SLC66A1: variants seen among roughly 807,000 people sequenced by gnomAD.
The protein encoded by SLC66A1 is lysosomal amino acid transporter 1 homolog.
A neutral mutation model predicts 33.0 loss-of-function variants in SLC66A1; 23 were observed. The ratio of observed to expected loss-of-function variants is 0.70; its 90% CI spans 0.50 to 0.99. The LOEUF (loss-of-function observed/expected upper bound fraction) is 0.99. Among genes scored for constraint, SLC66A1 ranks in the 50% least tolerant of loss-of-function variants. The probability of loss-of-function intolerance (pLI) is 0.00; values close to 1 mark genes in which losing one functional copy is unlikely to be tolerated. For synonymous variants in SLC66A1, 164 were observed against 175.5 expected (o/e 0.93, Z 0.52); for missense variants, 335 against 383.6 (o/e 0.87, Z 1.06).
At chr1:19,313,350 A>G in intron 1 of SLC66A1, 2 of 670,986 alleles carry the variant, frequency 3.0e-6, no homozygotes, top group Non-Finnish European at 3.7e-6. Flanking sequence ...TCTCTTCTTC[A>G]CTCTGTCCTT....
chr1:19,333,923 CAAAACAA>C (rs1553264954), downstream of SLC66A1, among the ~76,000 whole-genome samples: 2 of 151,590 alleles, frequency 1.3e-5, no homozygotes, highest in African/African-American at 4.9e-5. The surrounding 1 kb of genome is among the most constrained non-coding windows in gnomAD (Gnocchi z 4.2). Flanking sequence ...CAAAACAAAA[CAAAACAA>C]AACAAAACAC....
chr1:19,324,776 C>T lies in SLC66A1; in HGVS notation c.294+14C>T, dbSNP rs138068552. 77 of 1,613,620 alleles carry T rather than the reference C, an allele frequency of 4.8e-5. No individual in the cohort carries two copies. The highest frequency in any genetic ancestry group is 6.7e-5 in the East Asian group (3 of 44,868). On this transcript the variant is annotated intron_variant, in intron 3 of 7. Coordinates refer to ENST00000375153, the MANE Select transcript of SLC66A1 (RefSeq NM_001040125.2). Reference sequence around the variant, plus strand: ...CTGCCCCTGCAGGTGGGCCGGTACCCGGGCAAGGTGGCGCTACCCCTAACC... The same window carrying T: ...CTGCCCCTGCAGGTGGGCCGGTACCTGGGCAAGGTGGCGCTACCCCTAACC...
In SLC66A1 at chr1:19,327,403, C is replaced by T. The variant is rs554119968; in HGVS notation, c.795C>T (p.Leu265=). ...TGGGCAGCCTGGGCGTGCTGCTGCT[C>T]GACACCATCGTATCCTTCAGGGCGT... ...WLVGSLGVLL[L]DTIISIQFLV... Residue 265 remains leucine (L), a synonymous_variant, in exon 7 of 8, where the codon CTC becomes CTT. Transcript: ENST00000375153. 1.3e-5 allele frequency: 20 copies of T among 1,591,112 alleles called. 1 individual carries two copies. Among genetic ancestry groups the T allele is most frequent in the Admixed American group, 8.5e-5 (5 of 58,780 alleles).
At chr1:19,319,245 T>C (rs562310483) in intron 2 of SLC66A1, among the ~76,000 whole-genome samples, 1 of 152,342 alleles carries the variant, frequency 6.6e-6, no homozygotes, top group Non-Finnish European at 1.5e-5. Flanking sequence ...ACATTTTCGT[T>C]AGCCCAAATG....
downstream of SLC66A1, among the ~76,000 whole-genome samples, chr1:19,329,840 C>T (rs2093887636): frequency 6.6e-6 from 1 of 151,934 alleles, no homozygotes; most frequent in Non-Finnish European, 1.5e-5. Flanking sequence ...GAAGGATGAG[C>T]GGGAGATATC....
In SLC66A1 at chr1:19,326,324, C is replaced by G. The variant is rs368585233; in HGVS notation, c.462C>G (p.Pro154=). 29 of 1,606,818 alleles carry G rather than the reference C, an allele frequency of 1.8e-5. No homozygotes were observed. Among genetic ancestry groups the G allele is most frequent in the Non-Finnish European group, 2.4e-5 (28 of 1,179,814 alleles). ...CACCGCTGCTGAGTGCTGCTGGGCC[C>G]GTGGCTGCCCCTAGGGAAGCCTTCC... ...CATPLLSAAG[P]VAAPREAFRG... Residue 154 remains proline (P), a synonymous_variant, in exon 5 of 8, where the codon CCC becomes CCG. Transcript: ENST00000375153.
intron 2 of SLC66A1, among the ~76,000 whole-genome samples, chr1:19,322,540 C>A (rs776531459): frequency 6.6e-6 from 1 of 152,046 alleles, no homozygotes; most frequent in Non-Finnish European, 1.5e-5. Flanking sequence ...GCTAGTCACT[C>A]CCCCTGTCCT....
rs1157516513 is a variant in SLC66A1, at chr1:19,326,399, G to A, written c.525+12G>A. 1 of 1,606,284 alleles carries A rather than the reference G, an allele frequency of 6.2e-7. No homozygotes were observed. The highest frequency in any genetic ancestry group is 8.5e-7 in the Non-Finnish European group (1 of 1,177,402). On this transcript the variant is annotated intron_variant, in intron 5 of 7. Transcript: ENST00000375153. ...AGTCGGGCAGCAAGGTGAGGCGTGG[G>A]CGTGGCGGTCGAAGGGATGGAGGCT...
At position 19,326,357 on chromosome 1, in the gene SLC66A1, G is replaced by T; in HGVS notation, c.495G>T (p.Arg165=). Residue 165 remains arginine, a synonymous_variant, in exon 5 of 8, where the codon CGG becomes CGT. Coordinates refer to ENST00000375153, the MANE Select transcript of SLC66A1 (RefSeq NM_001040125.2). ...VAAPREAFRG[R]ALLSVESGSK... ...CCCCTAGGGAAGCCTTCCGGGGGCG[G>T]GCGCTCCTGTCCGTGGAGTCGGGCA... 6.2e-7 allele frequency: 1 copy of T among 1,606,470 alleles called. No homozygotes were observed. Among genetic ancestry groups the T allele is most frequent in the Non-Finnish European group, 8.5e-7 (1 of 1,179,278 alleles).
At chr1:19,330,053 G>A (rs942698854), downstream of SLC66A1, among the ~76,000 whole-genome samples, 2 of 152,094 alleles carry the variant, frequency 1.3e-5, no homozygotes, top group African/African-American at 2.4e-5. Context: ...CTGCAGCCTC[G>A]AACTCCTAGC....
At chr1:19,324,604 A>G (rs1464391491) in intron 2 of SLC66A1, 29 bp from the exon 3 acceptor site, 1 of 1,613,594 alleles carries the variant, frequency 6.2e-7, no homozygotes, top group South Asian at 1.1e-5. Context: ...TGGCCTGAGC[A>G]TGCATCCCTT....
chr1:19,324,518 CTCT>C, intron 2 of SLC66A1, 112 bp from the exon 3 acceptor site: 1 of 1,350,422 alleles, frequency 7.4e-7, no homozygotes. Context: ...AGGCCACTTC[CTCT>C]CCATCGCCGC....
In SLC66A1 at chr1:19,328,961, C is replaced by G. The variant is rs1007081766; in HGVS notation, c.*318C>G. 4 of 459,136 alleles carry G rather than the reference C, an allele frequency of 8.7e-6. No individual in the cohort carries two copies. The highest frequency in any genetic ancestry group is 7.9e-5 in the African/African-American group (4 of 50,406). The allele number at this position is 459,136 out of a possible 1,614,324, so 28.4% of individuals were successfully genotyped here. A position where few individuals can be genotyped will look rare whatever the true frequency, so the allele number is the denominator to read the frequency against. On this transcript the variant is annotated 3_prime_UTR_variant, in exon 8 of 8. Transcript: ENST00000375153. This position sits in a 1 kb window ranked among gnomAD's most constrained non-coding sequence, Gnocchi z 4.7. ...TCAGGACTGTCCTGTCAACTCCAGACAACTGAATAAACAGGCCGGGTACAG... is the reference window on the plus strand; with the variant it reads ...TCAGGACTGTCCTGTCAACTCCAGAGAACTGAATAAACAGGCCGGGTACAG...
chr1:19,327,503 C>T (rs2093874568), intron 7 of SLC66A1, 91 bp downstream of exon 7: 1 of 1,435,378 alleles, frequency 7.0e-7, no homozygotes, highest in Non-Finnish European at 9.6e-7. Flanking sequence ...GTCTCTTCCT[C>T]CCTTCATCCA....
At chr1:19,325,623 A>C in intron 4 of SLC66A1, 41 bp downstream of exon 4, 33 of 1,031,878 alleles carry the variant, frequency 3.2e-5, no homozygotes, top group Non-Finnish European at 4.4e-5. Flanking sequence ...CTCTACCAGC[A>C]GCAGGGGGCA....
intron 1 of SLC66A1, among the ~76,000 whole-genome samples, chr1:19,313,591 A>G (rs1395150395): frequency 2.1e-5 from 3 of 141,498 alleles, no homozygotes; most frequent in Non-Finnish European, 3.2e-5. Context: ...AGGGCAATTT[A>G]GAAGTGAGTC....
At chr1:19,314,901 T>TG (rs1558144401) in intron 1 of SLC66A1, among the ~76,000 whole-genome samples, 1 of 151,806 alleles carries the variant, frequency 6.6e-6, no homozygotes, top group African/African-American at 2.4e-5. Flanking sequence ...ATGGTTTTTT[T>TG]TTTGTTTGTT....
intron 7 of SLC66A1, chr1:19,327,685 A>T: frequency 4.7e-6 from 3 of 643,434 alleles, no homozygotes; most frequent in Non-Finnish European, 8.9e-6. Context: ...GAGAGGACAC[A>T]ACGCTATCAT....
intron 2 of SLC66A1, among the ~76,000 whole-genome samples, chr1:19,321,833 C>T (rs1382305167): frequency 6.6e-6 from 1 of 151,876 alleles, no homozygotes; most frequent in Non-Finnish European, 1.5e-5. Context: ...TCCAAAAGTG[C>T]TGGGATTACA....
Sources: gnomAD v4.1 joint callset for allele counts (sites outside exome capture counted in the v4.1 genomes callset) on GRCh38, gnomAD v4.1.1 for gene constraint, Gnocchi (gnomAD v3.1) non-coding constraint, MANE v1.5 for transcripts, NCBI Gene and HGNC (gene_info 2026-07-23, HGNC 2026-07-21) for gene names.